The following CNTN4 variants were observed in gnomAD, a reference collection of about 807,000 sequenced individuals.
CNTN4 encodes the protein contactin 4.
A neutral mutation model predicts 122.5 loss-of-function variants in CNTN4; 77 were observed. The observed-to-expected ratio is 0.63, with a 90% CI of 0.52 to 0.76. CNTN4 has a LOEUF of 0.76. Ranked by LOEUF, CNTN4 falls within the 30% of genes least tolerant of loss-of-function variation. The pLI is 0.00. For synonymous variants in CNTN4, 512 were observed against 447.0 expected, an observed-to-expected ratio of 1.15 and a Z score of -1.83; for missense variants, 1,256 against 1,259.1, an observed-to-expected ratio of 1.00 and a Z score of 0.04.
intron 4 of CNTN4, among the ~76,000 whole-genome samples, chr3:2,696,240 G>C (rs1028269180): frequency 6.6e-6 from 1 of 152,164 alleles, no homozygotes; most frequent in South Asian, 2.1e-4. Flanking sequence ...TAATTTCTGC[G>C]AAGTGGAGTT....
intron 7 of CNTN4, among the ~76,000 whole-genome samples, chr3:2,861,581 C>T (rs2093671893): frequency 6.6e-6 from 1 of 152,172 alleles, no homozygotes; most frequent in South Asian, 2.1e-4. Flanking sequence ...CTCTATCATG[C>T]TGTTAAAATC....
intron 14 of CNTN4, 122 bp downstream of exon 14, chr3:2,988,594 TTCA>T (rs1216503557): frequency 1.0e-6 from 1 of 1,000,944 alleles, no homozygotes; most frequent in African/African-American, 1.6e-5. Flanking sequence ...GCTAAATTAA[TTCA>T]TCACGGCAAA....
intron 13 of CNTN4, among the ~76,000 whole-genome samples, chr3:2,944,816 A>C (rs542807319): frequency 1.3e-5 from 2 of 152,294 alleles, no homozygotes; most frequent in East Asian, 3.9e-4. Context: ...GTGCTCTCTG[A>C]GGATACACCT....
intron 12 of CNTN4, among the ~76,000 whole-genome samples, chr3:2,904,807 G>A (rs1243052781): frequency 6.6e-6 from 1 of 152,192 alleles, no homozygotes; most frequent in African/African-American, 2.4e-5. Context: ...AAAGTGAGAT[G>A]TGGCCTAATG....
chr3:2,371,984 C>G (rs1453607199), intron 3 of CNTN4, among the ~76,000 whole-genome samples: 1 of 152,184 alleles, frequency 6.6e-6, no homozygotes, highest in Non-Finnish European at 1.5e-5. Context: ...CATCTGATTA[C>G]TTTGTGCTGT....
intron 2 of CNTN4, among the ~76,000 whole-genome samples, chr3:2,333,660 G>T (rs1007076425): frequency 5.9e-5 from 9 of 152,198 alleles, no homozygotes; most frequent in Non-Finnish European, 1.5e-5. Context: ...GTTGTGAAAT[G>T]ATAAAAGAAT....
At chr3:2,644,359 G>T (rs746134822) in intron 4 of CNTN4, among the ~76,000 whole-genome samples, 1 of 152,064 alleles carries the variant, frequency 6.6e-6, no homozygotes, top group Non-Finnish European at 1.5e-5. Flanking sequence ...TTGCCCATAG[G>T]CTTCATTATC....
At chr3:2,498,546 T>G (rs1225942455) in intron 3 of CNTN4, among the ~76,000 whole-genome samples, 1 of 152,148 alleles carries the variant, frequency 6.6e-6, no homozygotes, top group African/African-American at 2.4e-5. Context: ...AGTGGCATGA[T>G]CATGGCTCAC....
chr3:2,125,330 C>CTCTGTGTGTGTGTGTGTG (rs138301374), intron 2 of CNTN4, among the ~76,000 whole-genome samples: 2 of 143,472 alleles, frequency 1.4e-5, no homozygotes, highest in African/African-American at 5.2e-5. Flanking sequence ...ATTCTATTCT[C>CTCTGTGTGTGTGTGTGTG]TGTGTGTGTG....
At chr3:2,308,643 C>T (rs183777225) in intron 2 of CNTN4, among the ~76,000 whole-genome samples, 187 of 151,878 alleles carry the variant, frequency 1.2e-3, no homozygotes, top group Middle Eastern at 3.4e-3. Context: ...TTTTTCTTGA[C>T]CCCTTGGTTA....
At chr3:2,355,210 T>TA (rs1210580500) in intron 3 of CNTN4, among the ~76,000 whole-genome samples, 3 of 152,220 alleles carry the variant, frequency 2.0e-5, no homozygotes, top group Non-Finnish European at 4.4e-5. Flanking sequence ...ATTTTGTTCG[T>TA]GTTTAAGGAC....
chr3:2,170,173 T>C (rs112464165), intron 2 of CNTN4, among the ~76,000 whole-genome samples: 6,502 of 142,148 alleles, frequency 0.046, 189 homozygotes, highest in Non-Finnish European at 0.064. Context: ...TACAAAAAAT[T>C]AGCCGGGCGT....
At chr3:2,547,995 G>A (rs1429937147) in intron 3 of CNTN4, among the ~76,000 whole-genome samples, 4 of 152,072 alleles carry the variant, frequency 2.6e-5, no homozygotes, top group Admixed American at 6.6e-5. Flanking sequence ...TTTTGATGAG[G>A]TTGTTTGTTT....
intron 7 of CNTN4, among the ~76,000 whole-genome samples, chr3:2,853,539 G>T (rs1450857740): frequency 1.3e-5 from 2 of 151,970 alleles, no homozygotes; most frequent in African/African-American, 2.4e-5. Context: ...TACTGTGTCT[G>T]GCCTAATTTA....
intron 6 of CNTN4, among the ~76,000 whole-genome samples, chr3:2,786,245 G>T (rs909833163): frequency 6.6e-6 from 1 of 152,142 alleles, no homozygotes; most frequent in Non-Finnish European, 1.5e-5. Flanking sequence ...GCAGGTGCAA[G>T]AGGCTGTCAC....
At chr3:2,129,618 C>G (rs1201792232) in intron 2 of CNTN4, among the ~76,000 whole-genome samples, 1 of 151,674 alleles carries the variant, frequency 6.6e-6, no homozygotes, top group Non-Finnish European at 1.5e-5. Context: ...TCATGAAAAC[C>G]AAAAATATGC....
At chr3:2,456,339 A>G (rs1236583883) in intron 3 of CNTN4, among the ~76,000 whole-genome samples, 3 of 152,084 alleles carry the variant, frequency 2.0e-5, no homozygotes, top group Non-Finnish European at 4.4e-5. Flanking sequence ...CTCAAATTGT[A>G]TATATTTATT....
intron 13 of CNTN4, among the ~76,000 whole-genome samples, chr3:2,973,764 G>A (rs1163836820): frequency 6.6e-6 from 1 of 151,272 alleles, no homozygotes; most frequent in Non-Finnish European, 1.5e-5. Flanking sequence ...AGTAAATGGG[G>A]TGATGATATA....
intron 6 of CNTN4, among the ~76,000 whole-genome samples, chr3:2,778,247 A>C (rs1337796028): frequency 7.3e-6 from 1 of 137,012 alleles, no homozygotes; most frequent in East Asian, 2.2e-4. Flanking sequence ...TAAATAAATA[A>C]ATAAATAAAA....
Sources: allele counts gnomAD v4.1 joint callset (sites outside exome capture counted in the v4.1 genomes callset), GRCh38; gene constraint gnomAD v4.1.1; transcripts MANE v1.5; gene names NCBI Gene and HGNC (gene_info 2026-07-23, HGNC 2026-07-21).